STXBP2: variants seen among roughly 807,000 people sequenced by gnomAD.
STXBP2 encodes syntaxin binding protein 2.
STXBP2 carries 47 observed loss-of-function variants against 72.2 expected under a neutral mutation model. The ratio of observed to expected loss-of-function variants is 0.65; its 90% CI spans 0.51 to 0.83. The LOEUF (loss-of-function observed/expected upper bound fraction) is 0.83. Ranked by LOEUF, STXBP2 falls within the 40% of genes least tolerant of loss-of-function variation. The probability of loss-of-function intolerance (pLI) is 0.00; values close to 1 mark genes in which losing one functional copy is unlikely to be tolerated. For missense variants in STXBP2, 702 were observed against 807.6 expected, an observed-to-expected ratio of 0.87 and a Z score of 1.58; for synonymous variants, 367 against 338.7, an observed-to-expected ratio of 1.08 and a Z score of -0.92.
chr19:7,632,650 G>A, upstream of STXBP2: 1 of 1,560,264 alleles, frequency 6.4e-7, no homozygotes, highest in South Asian at 1.1e-5. The surrounding 1 kb of genome is among the most constrained non-coding windows in gnomAD (Gnocchi z 5.2). Flanking sequence ...CCCTCCAGAT[G>A]ACCACTTGCC....
At chr19:7,644,960 A>G (rs1489566910) in intron 14 of STXBP2, 1 of 1,447,098 alleles carries the variant, frequency 6.9e-7, no homozygotes, top group Non-Finnish European at 9.1e-7. Context: ...TAACGTAGAA[A>G]CCCTCACATC....
At chr19:7,636,975 C>T (rs2031559168), upstream of STXBP2, 1 of 644,012 alleles carries the variant, frequency 1.6e-6, no homozygotes. Flanking sequence ...CCTGCCCGTC[C>T]TCCCCGCCAG....
rs2303115 is a variant in STXBP2, at chr19:7,643,328, G to A, written c.1107+83G>A. 510,435 of 1,328,688 alleles carry A rather than the reference G, an allele frequency of 0.38. 111,921 individuals are homozygous for A. Among genetic ancestry groups the A allele is most frequent in the East Asian group, 0.72 (29,635 of 41,086 alleles). The allele number at this position is 1,328,688 out of a possible 1,614,324, so 82.3% of individuals were successfully genotyped here. A position where few individuals can be genotyped will look rare whatever the true frequency, so the allele number is the denominator to read the frequency against. On this transcript the variant is annotated intron_variant, in intron 13 of 18. Transcript: ENST00000221283. Reference sequence around the variant, plus strand: ...GAGGGGCTGAACTGTAGAGATGGGGGGTTCTGGGGGAGGGGCAGGGCTTGT... The same window carrying A: ...GAGGGGCTGAACTGTAGAGATGGGGAGTTCTGGGGGAGGGGCAGGGCTTGT...
In STXBP2 at chr19:7,640,149, TGTGC is replaced by T. The variant is rs749193092; in HGVS notation, c.246+343_246+346del. On this transcript the variant is annotated intron_variant, in intron 4 of 18. Transcript: ENST00000221283. ...GTGTATGTATGTGTGTGTGCATCTG[TGTGC>T]ATCTGTATGTGTGTGTGTGCGTCTG... is the stretch of plus-strand genomic sequence containing the variant. 1,924 of 570,894 alleles carry T rather than the reference TGTGC, an allele frequency of 3.4e-3. 36 individuals carry two copies. Among genetic ancestry groups the T allele is most frequent in the African/African-American group, 0.03 (1,606 of 53,008 alleles). 35.4% of individuals were successfully genotyped at this position (570,894 alleles called of 1,614,324 possible). A position where few individuals can be genotyped will look rare whatever the true frequency, so the allele number is the denominator to read the frequency against.
rs889187 is a variant in STXBP2, at chr19:7,645,324, A to G, written c.1356+18A>G. The G allele has an allele frequency of 0.39, 611,729 of 1,563,216 alleles. 124,415 individuals are homozygous for G. The highest frequency in any genetic ancestry group is 0.72 in the East Asian group (30,344 of 42,180). On this transcript the variant is annotated intron_variant, in intron 15 of 18. Coordinates refer to ENST00000221283, the MANE Select transcript of STXBP2 (RefSeq NM_006949.4). ...ACCCCGGGGTACGCCAGGAGCGGGC[A>G]TGGGGGGACCCTGGGAGAGGGTGCG...
In STXBP2 at chr19:7,643,198, A is replaced by G. The variant is rs2031967452; in HGVS notation, c.1060A>G (p.Met354Val). ...GCACCTGCATCTAGCAGATGATTGT[A>G]TGAAGCACTTCAAGGGCTCGGTGGA... ...STHLHLADDCMKHFKGSVEKL... is the reference protein window; with the variant it reads ...STHLHLADDCVKHFKGSVEKL... Residue 354 changes from methionine to valine, a missense_variant, in exon 13 of 19, where the codon ATG (methionine) becomes GTG (valine). Physicochemically the swap from Met to Val is conservative, Grantham distance 21 (BLOSUM62 1). Transcript: ENST00000221283. The G allele has an allele frequency of 3.1e-6, 5 of 1,614,000 alleles. No individual in the cohort carries two copies. Among genetic ancestry groups the G allele is most frequent in the Non-Finnish European group, 1.7e-6 (2 of 1,180,020 alleles).
chr19:7,633,770 C>T (rs922345703), upstream of STXBP2: 2 of 396,334 alleles, frequency 5.0e-6, no homozygotes, highest in Non-Finnish European at 9.1e-6. Context: ...GAGCAGCATC[C>T]CCACAGTTGG....
upstream of STXBP2, chr19:7,633,345 C>T: frequency 1.6e-6 from 2 of 1,282,232 alleles, no homozygotes; most frequent in Non-Finnish European, 2.2e-6. Context: ...ACAAACTAGT[C>T]TTGTCAATCA....
At chr19:7,645,159 TG>T (rs1317861807) in intron 14 of STXBP2, 37 bp from the exon 15 acceptor site, 16 of 1,548,006 alleles carry the variant, frequency 1.0e-5, no homozygotes, top group Non-Finnish European at 1.4e-5. Context: ...GGAGCTCACC[TG>T]GCCGCCGCCT....
At position 7,644,721 on chromosome 19, in the gene STXBP2, G is replaced by T. The variant is rs1290005682; in HGVS notation, c.1215G>T (p.Arg405=). ...CGGTGCCCGCCTACGACAAGATCCG[G>T]GTCCTGCTGCTCTACATCCTCCTTC... ...DAAVPAYDKI[R]VLLLYILLRN... is the part of the protein sequence containing the mutation. Residue 405 remains arginine (R), a synonymous_variant, in exon 14 of 19, where the codon CGG becomes CGT. Coordinates refer to ENST00000221283, the MANE Select transcript of STXBP2 (RefSeq NM_006949.4). 6.2e-7 allele frequency: 1 copy of T among 1,613,792 alleles called. No homozygotes were observed. The highest frequency in any genetic ancestry group is 1.3e-5 in the African/African-American group (1 of 75,000).
upstream of STXBP2, chr19:7,632,957 G>C (rs551337173): frequency 3.4e-6 from 5 of 1,472,624 alleles, no homozygotes; most frequent in African/African-American, 1.4e-5. This position sits in a 1 kb window ranked among gnomAD's most constrained non-coding sequence, Gnocchi z 5.2. Context: ...TCTCACCATG[G>C]TCCCCGCCGA....
the STXBP2 span, chr19:7,631,194 G>A: frequency 7.6e-7 from 1 of 1,311,014 alleles, no homozygotes; most frequent in Non-Finnish European, 1.0e-6. Flanking sequence ...GGGCAATAGA[G>A]TGAGACTTTG....
At chr19:7,635,596 C>T (rs116315032), upstream of STXBP2, among the ~76,000 whole-genome samples, 1,426 of 152,064 alleles carry the variant, frequency 9.4e-3, 25 homozygotes, top group African/African-American at 0.031. Context: ...CTTGGGTGGC[C>T]GAAGTGGAAG....
the STXBP2 span, chr19:7,630,708 G>T: frequency 1.3e-6 from 2 of 1,531,584 alleles, no homozygotes; most frequent in Non-Finnish European, 1.8e-6. Context: ...GTGGGAGAGG[G>T]TGTGGGGCAG....
chr19:7,639,853 C>T lies in STXBP2; in HGVS notation c.246+46C>T, dbSNP rs777253182. On this transcript the variant is annotated intron_variant, in intron 4 of 18. Transcript: ENST00000221283. ...GTGTGTATGCGCGTGCATGCGTGTA[C>T]ATGTGCATGTGTGTGTATGTCTGCA... 13 of 1,570,776 alleles carry T rather than the reference C, an allele frequency of 8.3e-6. No individual in the cohort carries two copies. In the South Asian group the frequency reaches 1.3e-4, roughly 16 times the overall value.
At chr19:7,633,615 G>T (rs7247092), upstream of STXBP2, 2,498 of 681,838 alleles carry the variant, frequency 3.7e-3, 44 homozygotes, top group African/African-American at 0.042. Context: ...GCCCCATAAA[G>T]ATCATCCAGA....
Position 7,647,257 on chromosome 19 carries a change from CG to C in STXBP2, c.1538+14del, listed in dbSNP as rs1430700652. On this transcript the variant is annotated intron_variant, in intron 17 of 18. Transcript: ENST00000221283. ...CCCAGGCCGCTGTCAGGTGAGGCCCCGGGGCCGCCCCCGCCCACGCCTGGGT... is the reference window on the plus strand; with the variant it reads ...CCCAGGCCGCTGTCAGGTGAGGCCCCGGGCCGCCCCCGCCCACGCCTGGGT... 2 of 1,610,270 alleles carry C rather than the reference CG, an allele frequency of 1.2e-6. No individual in the cohort carries two copies. The highest frequency in any genetic ancestry group is 8.5e-7 in the Non-Finnish European group (1 of 1,179,228).
upstream of STXBP2, among the ~76,000 whole-genome samples, chr19:7,634,676 A>T (rs745466109): frequency 3.6e-4 from 55 of 151,880 alleles, no homozygotes; most frequent in Non-Finnish European, 6.5e-4. Flanking sequence ...AGCCTTTAAA[A>T]TTTTTTTTTA....
chr19:7,644,791 G>A (rs1159237756), intron 14 of STXBP2, 39 bp downstream of exon 14: 5 of 1,612,956 alleles, frequency 3.1e-6, no homozygotes, highest in Non-Finnish European at 3.4e-6. Context: ...GTCCCCATTT[G>A]CCAGCGTCTC....
Sources: allele counts gnomAD v4.1 joint callset (sites outside exome capture counted in the v4.1 genomes callset), GRCh38; gene constraint gnomAD v4.1.1; non-coding constraint Gnocchi (gnomAD v3.1); transcripts MANE v1.5; gene names NCBI Gene and HGNC (gene_info 2026-07-23, HGNC 2026-07-21).